TBC1D8: variants seen among roughly 807,000 people sequenced by gnomAD.
The protein encoded by TBC1D8 is BUB2-like protein 1.
Under a neutral mutation model 118.8 loss-of-function variants are expected in TBC1D8, and 65 were observed. The ratio of observed to expected loss-of-function variants is 0.55; its 90% confidence interval spans 0.45 to 0.67. The LOEUF (loss-of-function observed/expected upper bound fraction) is 0.67, where lower values mean the gene tolerates loss of function less well. Ranked by LOEUF, TBC1D8 falls within the 30% of genes least tolerant of loss-of-function variation. The probability of loss-of-function intolerance (pLI) is 0.00; values close to 1 mark genes in which losing one functional copy is unlikely to be tolerated. For missense variants in TBC1D8, 1,376 were observed against 1,471.2 expected (o/e 0.94, Z 1.06); for synonymous variants, 566 against 595.8 (o/e 0.95, Z 0.73).
Position 101,032,325 on chromosome 2 carries a change from G to A in TBC1D8, c.1879C>T (p.Leu627=). The change falls in exon 11 of 20, where the codon CTG becomes TTG. Residue 627 remains leucine, a synonymous_variant. Coordinates refer to ENST00000409318, the MANE Select transcript of TBC1D8 (RefSeq NM_001330348.2). ...LYTKEEEAFW[L]LVAVCERMLP... ...ATCCGCTCACACACAGCAACCAACA[G>A]CCAGAAGGCTTCCTCCTCCTTGGTG... 6.2e-7 allele frequency: 1 copy of A among 1,613,852 alleles called. No homozygotes were observed. The highest frequency in any genetic ancestry group is 8.5e-7 in the Non-Finnish European group (1 of 1,179,792).
At chr2:101,034,555 A>G (rs1264338336) in intron 9 of TBC1D8, among the ~76,000 whole-genome samples, 1 of 152,226 alleles carries the variant, frequency 6.6e-6, no homozygotes, top group Non-Finnish European at 1.5e-5. Context: ...CCCAGGCCTC[A>G]GCGGGCGGGC....
intron 1 of TBC1D8, among the ~76,000 whole-genome samples, chr2:101,136,759 T>C (rs1678868163): frequency 6.6e-6 from 1 of 152,246 alleles, no homozygotes; most frequent in African/African-American, 2.4e-5. Flanking sequence ...TCCTTGATGA[T>C]GAATGATCAC....
intron 2 of TBC1D8, among the ~76,000 whole-genome samples, chr2:101,064,855 T>C (rs1056766957): frequency 6.6e-6 from 1 of 152,146 alleles, no homozygotes; most frequent in Non-Finnish European, 1.5e-5. Context: ...CTTATCTCCA[T>C]AAAATACATA....
intron 1 of TBC1D8, among the ~76,000 whole-genome samples, chr2:101,134,740 C>A (rs1678763287): frequency 6.6e-6 from 1 of 152,204 alleles, no homozygotes; most frequent in Admixed American, 6.5e-5. Context: ...TATAGTCACA[C>A]TGGAGGTCAC....
chr2:101,022,534 G>C lies in TBC1D8; in HGVS notation c.2521-13C>G. ...TCATATGTTCTCTCTTCAAACAAGA[G>C]GGGGAAAGGGAGTTCTTACCACTTA... is the stretch of plus-strand genomic sequence containing the variant. On this transcript the variant is annotated splice_polypyrimidine_tract_variant and intron_variant, in intron 15 of 19. Transcript: ENST00000409318. 2 of 1,585,558 alleles carry C rather than the reference G, an allele frequency of 1.3e-6. No homozygotes were observed. Among genetic ancestry groups the C allele is most frequent in the Middle Eastern group, 1.7e-4 (1 of 5,992 alleles).
intron 2 of TBC1D8, among the ~76,000 whole-genome samples, chr2:101,061,172 A>T (rs1166965337): frequency 7.6e-6 from 1 of 131,346 alleles, no homozygotes; most frequent in African/African-American, 2.9e-5. Context: ...TGGGTGACAG[A>T]GCAAGACTCT....
chr2:101,060,482 A>G (rs1341676065), intron 2 of TBC1D8, among the ~76,000 whole-genome samples: 1 of 152,230 alleles, frequency 6.6e-6, no homozygotes, highest in African/African-American at 2.4e-5. Flanking sequence ...TTAAAATAGA[A>G]ACACAAAAGC....
chr2:101,061,947 A>G (rs1682777381), intron 2 of TBC1D8, among the ~76,000 whole-genome samples: 1 of 152,166 alleles, frequency 6.6e-6, no homozygotes, highest in African/African-American at 2.4e-5. Flanking sequence ...CCCTACCTGC[A>G]CTGAGGCCCA....
intron 9 of TBC1D8, among the ~76,000 whole-genome samples, chr2:101,035,406 A>G (rs989957204): frequency 6.6e-6 from 1 of 152,202 alleles, no homozygotes; most frequent in Admixed American, 6.5e-5. Context: ...GGCTCAGCCC[A>G]TCCATCATTA....
In TBC1D8 at chr2:101,050,445, A is replaced by G. The variant is rs1394060456; in HGVS notation, c.828T>C (p.Phe276=). ...TLRRLLDNEV[F]DLDPDLQEPS... Reference sequence around the variant, plus strand: ...GCTCCTGCAGATCGGGGTCGAGGTCAAAGACCTCATTATCCAGCAGCCTTC... The same window carrying G: ...GCTCCTGCAGATCGGGGTCGAGGTCGAAGACCTCATTATCCAGCAGCCTTC... Residue 276 remains phenylalanine, a synonymous_variant, in exon 5 of 20, where the codon TTT becomes TTC. Transcript: ENST00000409318. The G allele has an allele frequency of 1.9e-6, 3 of 1,613,730 alleles. No individual in the cohort carries two copies.
In TBC1D8 at chr2:101,007,685, C is replaced by T; in HGVS notation, c.*136G>A. The stretch of plus-strand genomic sequence containing the variant: ...AGGGTTGTGTCGGTTCCCCTGGCCA[C>T]AGTTTGTCAGGTTGTTTAGCCAGAT... On this transcript the variant is annotated 3_prime_UTR_variant, in exon 20 of 20. Coordinates refer to ENST00000409318, the MANE Select transcript of TBC1D8 (RefSeq NM_001330348.2). 1 of 881,048 alleles carries T rather than the reference C, an allele frequency of 1.1e-6. No homozygotes were observed. Among genetic ancestry groups the T allele is most frequent in the Non-Finnish European group, 1.8e-6 (1 of 568,666 alleles). The allele number at this position is 881,048 out of a possible 1,614,324, so 54.6% of individuals were successfully genotyped here.
At chr2:101,055,075 C>T (rs1170524292) in intron 3 of TBC1D8, among the ~76,000 whole-genome samples, 1 of 151,996 alleles carries the variant, frequency 6.6e-6, no homozygotes, top group African/African-American at 2.4e-5. Flanking sequence ...CAAAGAACTA[C>T]CCAACTTTAA....
chr2:101,123,344 T>C (rs78103305), intron 1 of TBC1D8, among the ~76,000 whole-genome samples: 19,601 of 152,174 alleles, frequency 0.13, 1,413 homozygotes, highest in Middle Eastern at 0.27. Context: ...TCTTGCCCGA[T>C]TGCTCTGGCT....
At chr2:101,095,737 G>A (rs560432266) in intron 1 of TBC1D8, among the ~76,000 whole-genome samples, 3 of 152,086 alleles carry the variant, frequency 2.0e-5, no homozygotes, top group Non-Finnish European at 4.4e-5. Context: ...AGCCAGAGAA[G>A]TATTTTCTAG....
intron 1 of TBC1D8, among the ~76,000 whole-genome samples, chr2:101,131,891 C>T (rs547965666): frequency 6.6e-6 from 1 of 152,204 alleles, no homozygotes; most frequent in Admixed American, 6.5e-5. Flanking sequence ...TTCAGACTTA[C>T]AATAAAGTTA....
rs562533976 is a variant in TBC1D8 at position 101,144,596 on chromosome 2, G to GA, written c.127+6530dup. On this transcript the variant is annotated intron_variant, in intron 1 of 19. Coordinates refer to ENST00000409318, the MANE Select transcript of TBC1D8 (RefSeq NM_001330348.2). ...TTGATGTAAGTTTTTAAAATAGGGG[G>GA]AAAAAATCCATGCTGAAAGAATTAC... Among the ~76,000 whole-genome samples, 87 of 152,194 alleles carry GA rather than the reference G, an allele frequency of 5.7e-4. 1 individual carries two copies. Among genetic ancestry groups the GA allele is most frequent in the African/African-American group, 1.9e-3 (80 of 41,532 alleles).
At chr2:101,129,854 G>A (rs960648710) in intron 1 of TBC1D8, among the ~76,000 whole-genome samples, 6 of 151,314 alleles carry the variant, frequency 4.0e-5, no homozygotes, top group Admixed American at 2.6e-4. Flanking sequence ...GCAGTGAGCC[G>A]AGATAGTGCC....
At chr2:101,111,929 A>C (rs1677612663) in intron 1 of TBC1D8, among the ~76,000 whole-genome samples, 1 of 152,178 alleles carries the variant, frequency 6.6e-6, no homozygotes, top group African/African-American at 2.4e-5. Context: ...AAAAAAAAAA[A>C]AAACCTGTGA....
intron 1 of TBC1D8, among the ~76,000 whole-genome samples, chr2:101,102,288 T>C (rs1676893877): frequency 6.6e-6 from 1 of 151,928 alleles, no homozygotes; most frequent in Non-Finnish European, 1.5e-5. Context: ...ACCCCATCTC[T>C]ACTAAGAATA....
Sources: gnomAD v4.1 joint callset for allele counts (sites outside exome capture counted in the v4.1 genomes callset) on GRCh38, gnomAD v4.1.1 for gene constraint, MANE v1.5 for transcripts, NCBI Gene and HGNC (gene_info 2026-07-23, HGNC 2026-07-21) for gene names.